DLC1: variants seen among roughly 807,000 people sequenced by gnomAD.
DLC1 encodes the protein DLC1 Rho GTPase activating protein.
Under a neutral mutation model 140.3 loss-of-function variants are expected in DLC1, and 54 were observed. The observed-to-expected ratio is 0.38, with a 90% CI of 0.31 to 0.48. The LOEUF is 0.48. DLC1 is among the 20% of genes least tolerant of loss of function. The pLI, the probability that DLC1 is intolerant of heterozygous loss-of-function variation, is 0.96. For synonymous variants in DLC1, 986 were observed against 728.1 expected, an observed-to-expected ratio of 1.35 and a Z score of -5.70; for missense variants, 2,536 against 1,907.0, an observed-to-expected ratio of 1.33 and a Z score of -6.14.
chr8:13,091,112 T>C (rs1563568743), intron 14 of DLC1, among the ~76,000 whole-genome samples: 1 of 152,164 alleles, frequency 6.6e-6, no homozygotes, highest in East Asian at 1.9e-4. Context: ...CCGGCTGCTT[T>C]TCCAAGTAAA....
chr8:13,267,826 A>T (rs1207524358), intron 5 of DLC1, among the ~76,000 whole-genome samples: 3 of 151,956 alleles, frequency 2.0e-5, no homozygotes, highest in Admixed American at 2.0e-4. Flanking sequence ...AAGAACCAAG[A>T]GAGAAGGGTT....
chr8:13,528,087 TCTC>T (rs986227117), intron 1 of DLC1, among the ~76,000 whole-genome samples: 9 of 152,094 alleles, frequency 5.9e-5, no homozygotes, highest in Non-Finnish European at 8.8e-5. Context: ...TGATTTATTT[TCTC>T]CTCTGTGGAA....
In DLC1 at chr8:13,153,904, A is replaced by T. The variant is rs1824037439; in HGVS notation, c.1349-38247T>A. Among the ~76,000 whole-genome samples the T allele has an allele frequency of 1.3e-5, 2 of 152,188 alleles. 1 individual carries two copies. The highest frequency in any genetic ancestry group is 3.8e-4 in the East Asian group (2 of 5,196). Reference sequence around the variant, plus strand: ...CTTTAGCTAGACATAAAGGTTCTCCAAGTCCCCACTAGATTAGCTAGACAA... The same window carrying T: ...CTTTAGCTAGACATAAAGGTTCTCCTAGTCCCCACTAGATTAGCTAGACAA... On this transcript the variant is annotated intron_variant, in intron 5 of 17. Coordinates refer to ENST00000276297, the MANE Select transcript of DLC1 (RefSeq NM_182643.3).
chr8:13,568,162 G>C (rs1804523208), intron 1 of DLC1: 2 of 540,476 alleles, frequency 3.7e-6, no homozygotes, highest in Non-Finnish European at 6.4e-6. Context: ...TGGTAGTTTG[G>C]GCCAGGATGT....
chr8:13,326,932 C>G (rs1462733748), intron 4 of DLC1, among the ~76,000 whole-genome samples: 2 of 152,016 alleles, frequency 1.3e-5, no homozygotes, highest in Non-Finnish European at 2.9e-5. Context: ...ACAGAGACCA[C>G]TTGCAGTTTT....
chr8:13,581,118 C>T (rs1170500887), intron 1 of DLC1, among the ~76,000 whole-genome samples: 1 of 152,222 alleles, frequency 6.6e-6, no homozygotes, highest in Non-Finnish European at 1.5e-5. Flanking sequence ...CAACTCTTTG[C>T]AAGGAATTAA....
intron 1 of DLC1, among the ~76,000 whole-genome samples, chr8:13,590,893 A>T (rs1046000757): frequency 1.3e-5 from 2 of 152,116 alleles, no homozygotes; most frequent in African/African-American, 4.8e-5. Flanking sequence ...TTCTTTTTCT[A>T]AAAGCGATAC....
chr8:13,352,153 G>C (rs1834701673), intron 4 of DLC1, among the ~76,000 whole-genome samples: 1 of 152,174 alleles, frequency 6.6e-6, no homozygotes, highest in South Asian at 2.1e-4. Context: ...TTCAATGAAA[G>C]CATCAGTCAT....
At chr8:13,360,886 T>G (rs952810117) in intron 4 of DLC1, among the ~76,000 whole-genome samples, 1 of 152,148 alleles carries the variant, frequency 6.6e-6, no homozygotes, top group Non-Finnish European at 1.5e-5. Context: ...ATTATTTTTT[T>G]TTTTTCTTTT....
At chr8:13,433,313 G>C (rs896814608) in intron 2 of DLC1, among the ~76,000 whole-genome samples, 1 of 152,120 alleles carries the variant, frequency 6.6e-6, no homozygotes, top group East Asian at 1.9e-4. Flanking sequence ...GGCTCAGTAA[G>C]GCTTAATGGG....
intron 2 of DLC1, among the ~76,000 whole-genome samples, chr8:13,407,334 T>G (rs756111782): frequency 4.6e-5 from 7 of 152,200 alleles, no homozygotes; most frequent in African/African-American, 1.7e-4. Context: ...GAGTCTCCTC[T>G]CTGCTTCTTT....
intron 2 of DLC1, among the ~76,000 whole-genome samples, chr8:13,453,023 T>G (rs1176532013): frequency 6.6e-6 from 1 of 152,030 alleles, no homozygotes; most frequent in Non-Finnish European, 1.5e-5. Flanking sequence ...ACAACCTCAC[T>G]TTTTCCTCAC....
At position 13,537,665 on chromosome 8, in the gene DLC1, T is replaced by C. The variant is rs1283265128; in HGVS notation, c.-125-37469A>G. On this transcript the variant is annotated intron_variant, in intron 1 of 1. Coordinates refer to the DLC1 transcript ENST00000631382. The stretch of plus-strand genomic sequence containing the variant: ...AGCTAACTCTTTTTTTTTTTTTTTT[T>C]TTTTTTGAGACGGAGTCTCTCTCTG... Among the ~76,000 whole-genome samples, 3 of 147,342 alleles carry C rather than the reference T, an allele frequency of 2.0e-5. No homozygotes were observed. The East Asian group carries it at 5.9e-4, about 29-fold the overall frequency.
chr8:13,292,658 C>T (rs57588847), intron 5 of DLC1, among the ~76,000 whole-genome samples: 1 of 152,064 alleles, frequency 6.6e-6, no homozygotes, highest in Non-Finnish European at 1.5e-5. Context: ...ACATGCTCCC[C>T]ACGTCCTACG....
chr8:13,368,507 C>G (rs545217846), intron 4 of DLC1, among the ~76,000 whole-genome samples: 5 of 150,932 alleles, frequency 3.3e-5, no homozygotes, highest in Non-Finnish European at 7.4e-5. Flanking sequence ...AGGGAAAACG[C>G]AAGCCAAGGC....
chr8:13,094,891 C>T lies in DLC1; in HGVS notation c.3394G>A (p.Ala1132Thr), dbSNP rs1172090249. ...IQALRQMNEG[A>T]IDCVNYEGQS... ...CCTTCGTAGTTGACACAGTCTATGG[C>T]ACCTTCATTCATCTGGCGCAGAGCC... is the stretch of plus-strand genomic sequence containing the variant. Residue 1132 changes from alanine to threonine, a missense_variant, in exon 12 of 18, where the codon GCC becomes ACC. Coordinates refer to ENST00000276297, the MANE Select transcript of DLC1 (RefSeq NM_182643.3). 4 of 1,614,202 alleles carry T rather than the reference C, an allele frequency of 2.5e-6. No homozygotes were observed. Among genetic ancestry groups the T allele is most frequent in the African/African-American group, 2.7e-5 (2 of 75,056 alleles).
chr8:13,161,013 A>G (rs369908128), intron 5 of DLC1, among the ~76,000 whole-genome samples: 18 of 152,290 alleles, frequency 1.2e-4, no homozygotes, highest in African/African-American at 4.1e-4. Flanking sequence ...CCCGGGAGGC[A>G]GAGCTTGCAG....
At chr8:13,542,555 A>G (rs1218462673) in intron 1 of DLC1, among the ~76,000 whole-genome samples, 2 of 152,164 alleles carry the variant, frequency 1.3e-5, no homozygotes, top group African/African-American at 4.8e-5. Flanking sequence ...TTTCTTTGAA[A>G]GAAAGTCTTG....
chr8:13,543,648 A>G (rs980795444), intron 1 of DLC1, among the ~76,000 whole-genome samples: 61 of 152,338 alleles, frequency 4.0e-4, no homozygotes, highest in African/African-American at 1.4e-3. Context: ...ATACCAGAGA[A>G]TATTACTCAC....
Sources: gnomAD v4.1 joint callset for allele counts (sites outside exome capture counted in the v4.1 genomes callset) on GRCh38, gnomAD v4.1.1 for gene constraint, MANE v1.5 for transcripts, NCBI Gene and HGNC (gene_info 2026-07-23, HGNC 2026-07-21) for gene names.